The following SOX5 variants were observed in gnomAD, a reference collection of about 807,000 sequenced individuals.
SOX5 encodes the protein SRY-box transcription factor 5, also known as transcription factor SOX-5.
Under a neutral mutation model 92.0 loss-of-function variants are expected in SOX5, and 9 were observed. That is an observed-to-expected ratio of 0.10 (90% confidence interval 0.06 to 0.17). The LOEUF (loss-of-function observed/expected upper bound fraction) is 0.17. SOX5 is among the 10% of genes least tolerant of loss of function. The pLI is 1.00. For synonymous variants in SOX5, 344 were observed against 336.3 expected (o/e 1.02, Z -0.25); for missense variants, 642 against 944.5 (o/e 0.68, Z 4.20).
intron 2 of SOX5, among the ~76,000 whole-genome samples, chr12:23,887,487 T>C (rs909089618): frequency 6.6e-6 from 1 of 152,206 alleles, no homozygotes; most frequent in Admixed American, 6.5e-5. Flanking sequence ...TTAATGCATG[T>C]CTGAGAATAA....
intron 3 of SOX5, among the ~76,000 whole-genome samples, chr12:24,254,903 T>C (rs1011061171): frequency 1.3e-5 from 2 of 152,060 alleles, no homozygotes; most frequent in Admixed American, 1.3e-4. Flanking sequence ...AATTGCACTG[T>C]GTTGGTCCAC....
intron 3 of SOX5, among the ~76,000 whole-genome samples, chr12:24,253,854 T>C (rs1386342990): frequency 6.6e-6 from 1 of 152,222 alleles, no homozygotes; most frequent in Non-Finnish European, 1.5e-5. Flanking sequence ...AATAAGGCTT[T>C]ATAGACAATA....
chr12:23,728,216 T>C (rs2093241133), intron 6 of SOX5, among the ~76,000 whole-genome samples: 1 of 152,194 alleles, frequency 6.6e-6, no homozygotes, highest in African/African-American at 2.4e-5. Context: ...CCTCCTCTAA[T>C]AATCTATCTG....
intron 2 of SOX5, among the ~76,000 whole-genome samples, chr12:24,320,886 T>G: frequency 6.7e-6 from 1 of 150,330 alleles, no homozygotes; most frequent in East Asian, 2.0e-4. Context: ...ATAATAATAA[T>G]AATAATAATA....
intron 4 of SOX5, among the ~76,000 whole-genome samples, chr12:23,969,218 C>T (rs1269978485): frequency 1.3e-5 from 2 of 152,138 alleles, no homozygotes; most frequent in African/African-American, 4.8e-5. Flanking sequence ...ATGTAATTGT[C>T]TCTACTGTCA....
intron 2 of SOX5, among the ~76,000 whole-genome samples, chr12:23,886,206 A>G (rs78380227): frequency 0.065 from 9,957 of 152,218 alleles, 479 homozygotes; most frequent in Non-Finnish European, 0.098. Context: ...TTGTCCTTGT[A>G]TATACTATTA....
chr12:24,061,176 A>G (rs1939619584), intron 4 of SOX5, among the ~76,000 whole-genome samples: 1 of 152,038 alleles, frequency 6.6e-6, no homozygotes, highest in Non-Finnish European at 1.5e-5. Flanking sequence ...ATCTTTGGAT[A>G]AAAAAGGACG....
chr12:24,090,462 T>C (rs1944508147), intron 4 of SOX5, among the ~76,000 whole-genome samples: 1 of 152,086 alleles, frequency 6.6e-6, no homozygotes. Flanking sequence ...ACATATGTAA[T>C]GCCAGTAAGT....
At chr12:23,601,242 T>A (rs1327828445) in intron 9 of SOX5, among the ~76,000 whole-genome samples, 10 of 152,108 alleles carry the variant, frequency 6.6e-5, no homozygotes, top group Non-Finnish European at 1.5e-4. Flanking sequence ...CCCCCTTCCA[T>A]TTTTTGCAAA....
At chr12:24,456,390 C>A (rs1183183630) in intron 1 of SOX5, among the ~76,000 whole-genome samples, 2 of 152,160 alleles carry the variant, frequency 1.3e-5, no homozygotes, top group African/African-American at 2.4e-5. Flanking sequence ...AACATTCCAT[C>A]TCTATTCAGG....
intron 6 of SOX5, among the ~76,000 whole-genome samples, chr12:23,725,190 C>T (rs12316834): frequency 6.6e-6 from 1 of 152,144 alleles, no homozygotes; most frequent in Non-Finnish European, 1.5e-5. Context: ...AAAATGTGAA[C>T]TTTGAAGTGC....
At chr12:24,197,739 G>T (rs1277790408) in intron 4 of SOX5, among the ~76,000 whole-genome samples, 1 of 152,154 alleles carries the variant, frequency 6.6e-6, no homozygotes, top group Non-Finnish European at 1.5e-5. Context: ...TGTGCCCCCA[G>T]TGTGGAGGAA....
intron 6 of SOX5, among the ~76,000 whole-genome samples, chr12:23,717,622 G>C (rs1277593694): frequency 6.6e-6 from 1 of 152,180 alleles, no homozygotes; most frequent in Non-Finnish European, 1.5e-5. Flanking sequence ...GAGAGCCTCA[G>C]TGAAAGAGTC....
intron 4 of SOX5, among the ~76,000 whole-genome samples, chr12:24,012,892 A>G (rs1221738085): frequency 6.6e-6 from 1 of 152,140 alleles, no homozygotes; most frequent in African/African-American, 2.4e-5. Context: ...CAGTAGAAGC[A>G]CCCTAAATCT....
At chr12:23,637,777 G>A (rs1357065053) in intron 8 of SOX5, among the ~76,000 whole-genome samples, 2 of 152,168 alleles carry the variant, frequency 1.3e-5, no homozygotes, top group Non-Finnish European at 2.9e-5. Flanking sequence ...AAAGGTCTTA[G>A]GAGAACTGGA....
At chr12:23,706,287 T>C (rs1461254887) in intron 6 of SOX5, among the ~76,000 whole-genome samples, 4 of 152,130 alleles carry the variant, frequency 2.6e-5, no homozygotes, top group South Asian at 2.1e-4. Context: ...AAATATTATA[T>C]TTAGTATTTA....
intron 1 of SOX5, among the ~76,000 whole-genome samples, chr12:24,443,431 C>T (rs1940968310): frequency 6.6e-6 from 1 of 152,132 alleles, no homozygotes; most frequent in Admixed American, 6.5e-5. Context: ...TGATTGAATT[C>T]ATGATACCAG....
intron 1 of SOX5, among the ~76,000 whole-genome samples, chr12:24,397,823 T>C (rs1596284239): frequency 1.3e-5 from 2 of 151,820 alleles, no homozygotes; most frequent in East Asian, 1.9e-4. Context: ...TCTTCATAAA[T>C]ATTATTGTTA....
intron 2 of SOX5, among the ~76,000 whole-genome samples, chr12:24,277,575 A>T (rs1480560795): frequency 1.4e-5 from 2 of 147,422 alleles, no homozygotes; most frequent in East Asian, 3.9e-4. Context: ...TAAATATATA[A>T]ATATATATTT....
Sources: allele counts gnomAD v4.1 joint callset (sites outside exome capture counted in the v4.1 genomes callset), GRCh38; gene constraint gnomAD v4.1.1; transcripts MANE v1.5; gene names NCBI Gene and HGNC (gene_info 2026-07-23, HGNC 2026-07-21).